Variants in ADAMTS14 observed in about 807,000 individuals in gnomAD.
ADAMTS14 encodes ADAM metallopeptidase with thrombospondin type 1 motif 14.
Under a neutral mutation model 128.6 loss-of-function variants are expected in ADAMTS14, and 100 were observed. The observed-to-expected ratio is 0.78, with a 90% CI of 0.66 to 0.92. The LOEUF (loss-of-function observed/expected upper bound fraction) is 0.92, where lower values mean the gene tolerates loss of function less well. Among genes scored for constraint, ADAMTS14 ranks in the 40% least tolerant of loss-of-function variants. The probability of loss-of-function intolerance (pLI) is 0.00; values close to 1 mark genes in which losing one functional copy is unlikely to be tolerated. For missense variants in ADAMTS14, 1,562 were observed against 1,658.6 expected, an observed-to-expected ratio of 0.94 and a Z score of 1.01; for synonymous variants, 665 against 653.8, an observed-to-expected ratio of 1.02 and a Z score of -0.26.
intron 15 of ADAMTS14, among the ~76,000 whole-genome samples, chr10:70,745,942 A>G (rs897002107): frequency 4.6e-5 from 7 of 152,074 alleles, no homozygotes; most frequent in African/African-American, 1.7e-4. Context: ...TTCACATTAT[A>G]TCTGTCACAT....
At chr10:70,700,571 G>A (rs1010305945) in intron 2 of ADAMTS14, among the ~76,000 whole-genome samples, 12 of 152,272 alleles carry the variant, frequency 7.9e-5, no homozygotes, top group Admixed American at 7.8e-4. Flanking sequence ...GGGGAGTGGT[G>A]GCAAGAGTGT....
In ADAMTS14 at chr10:70,702,338, C is replaced by T. The variant is rs369388518; in HGVS notation, c.549C>T (p.Thr183=). 2.8e-5 allele frequency: 45 copies of T among 1,614,048 alleles called. No individual in the cohort carries two copies. The highest frequency in any genetic ancestry group is 3.4e-5 in the Non-Finnish European group (40 of 1,180,052). The change falls in exon 3 of 22, where the codon ACC becomes ACT. Residue 183 remains threonine, a synonymous_variant. Coordinates refer to ENST00000373207, the MANE Select transcript of ADAMTS14 (RefSeq NM_080722.4). ...GLAGLIRTDS[T]DFFIEPLERG... is the part of the protein sequence containing the mutation. ...CGGGCCTCATCCGCACAGACAGCAC[C>T]GACTTCTTCATTGAGCCTCTGGAGC...
intron 8 of ADAMTS14, among the ~76,000 whole-genome samples, chr10:70,734,958 G>A (rs762363532): frequency 6.6e-6 from 1 of 152,224 alleles, no homozygotes; most frequent in Non-Finnish European, 1.5e-5. Context: ...TGCAAATGGA[G>A]CCCTTCCAGA....
At chr10:70,687,210 G>A (rs1299026287) in intron 2 of ADAMTS14, among the ~76,000 whole-genome samples, 5 of 101,886 alleles carry the variant, frequency 4.9e-5, no homozygotes, top group African/African-American at 6.7e-5. Context: ...CCTCCCTCCC[G>A]GACGGGGCGG....
intron 19 of ADAMTS14, among the ~76,000 whole-genome samples, chr10:70,755,394 G>A (rs1004613017): frequency 3.3e-5 from 5 of 152,158 alleles, no homozygotes; most frequent in Admixed American, 6.5e-5. Flanking sequence ...CACTTTGCTG[G>A]TGATTTCCAG....
chr10:70,676,992 T>C (rs1748371010), intron 2 of ADAMTS14, among the ~76,000 whole-genome samples: 1 of 152,128 alleles, frequency 6.6e-6, no homozygotes, highest in South Asian at 2.1e-4. Context: ...AGATGCTCAA[T>C]ATATGGTGAG....
chr10:70,732,673 C>T (rs1347925991), intron 7 of ADAMTS14, among the ~76,000 whole-genome samples: 2 of 152,200 alleles, frequency 1.3e-5, no homozygotes, highest in African/African-American at 2.4e-5. Context: ...CCCCATCACA[C>T]GCAGAGGCCT....
chr10:70,754,060 G>A, intron 19 of ADAMTS14, 53 bp downstream of exon 19: 2 of 1,449,394 alleles, frequency 1.4e-6, no homozygotes, highest in Non-Finnish European at 1.8e-6. Context: ...GGGTCTGAGG[G>A]ATTTTTTTGG....
At chr10:70,675,572 C>T (rs1015443384) in intron 2 of ADAMTS14, among the ~76,000 whole-genome samples, 2 of 152,162 alleles carry the variant, frequency 1.3e-5, no homozygotes, top group African/African-American at 4.8e-5. Flanking sequence ...TCTTCTCCTC[C>T]CTGTCTCTCC....
chr10:70,672,944 G>A (rs1839526982), intron 1 of ADAMTS14, 60 bp downstream of exon 1: 1 of 1,374,308 alleles, frequency 7.3e-7, no homozygotes, highest in Non-Finnish European at 9.3e-7. Flanking sequence ...GGTCAGGGTG[G>A]CCCAAGGTTG....
Position 70,729,015 on chromosome 10 carries a change from A to G in ADAMTS14, c.871-279A>G, listed in dbSNP as rs140732494. On this transcript the variant is annotated intron_variant, in intron 4 of 21. Coordinates refer to ENST00000373207, the MANE Select transcript of ADAMTS14 (RefSeq NM_080722.4). ...CTTGGTCAGAGTTGCTGAGTTTGAG[A>G]CCAGGCCCTCTACAATGTGGCTTTG... Among the ~76,000 whole-genome samples the G allele has an allele frequency of 3.2e-4, 49 of 152,222 alleles. No homozygotes were observed. The East Asian group carries it at 7.3e-3, about 23-fold the overall frequency.
chr10:70,760,988 G>A lies in ADAMTS14; in HGVS notation c.*135G>A. 1 of 1,282,182 alleles carries A rather than the reference G, an allele frequency of 7.8e-7. No homozygotes were observed. Among genetic ancestry groups the A allele is most frequent in the Non-Finnish European group, 1.0e-6 (1 of 968,552 alleles). The allele number at this position is 1,282,182 out of a possible 1,614,324, so 79.4% of individuals were successfully genotyped here. A position where few individuals can be genotyped will look rare whatever the true frequency, so the allele number is the denominator to read the frequency against. On this transcript the variant is annotated 3_prime_UTR_variant, in exon 22 of 22. Coordinates refer to ENST00000373207, the MANE Select transcript of ADAMTS14 (RefSeq NM_080722.4). ...AATCATTCGCCTTCTTCTCGTTTGG[G>A]GCTGTGATGCTCTTTACCCCACAAA...
At position 70,735,193 on chromosome 10, in the gene ADAMTS14, C is replaced by T. The variant is rs762614707; in HGVS notation, c.1377C>T (p.Asp459=). 60 of 1,613,124 alleles carry T rather than the reference C, an allele frequency of 3.7e-5. No homozygotes were observed. Among genetic ancestry groups the T allele is most frequent in the Non-Finnish European group, 4.4e-5 (52 of 1,179,564 alleles). ...GCTCCTACGACTGCCTCCTCGATGACCCCTTTGATCCTGCCTGGCCCCAGC... is the reference window on the plus strand; with the variant it reads ...GCTCCTACGACTGCCTCCTCGATGATCCCTTTGATCCTGCCTGGCCCCAGC... ...YLPSYDCLLD[D]PFDPAWPQPP... The change falls in exon 9 of 22, where the codon GAC becomes GAT. Residue 459 remains aspartate, a synonymous_variant. Coordinates refer to ENST00000373207, the MANE Select transcript of ADAMTS14 (RefSeq NM_080722.4).
intron 15 of ADAMTS14, among the ~76,000 whole-genome samples, chr10:70,747,890 G>GTGCATGCACA (rs1241445396): frequency 6.6e-6 from 1 of 151,836 alleles, no homozygotes; most frequent in East Asian, 1.9e-4. Flanking sequence ...GTGCATGCAC[G>GTGCATGCACA]TGCATGCACG....
chr10:70,755,977 T>C (rs1842471333), intron 19 of ADAMTS14, among the ~76,000 whole-genome samples: 1 of 152,236 alleles, frequency 6.6e-6, no homozygotes, highest in Non-Finnish European at 1.5e-5. Flanking sequence ...ATCTCAAATG[T>C]TTATCTATAG....
chr10:70,714,257 A>AG (rs1840949385), intron 4 of ADAMTS14, among the ~76,000 whole-genome samples: 3 of 152,216 alleles, frequency 2.0e-5, no homozygotes, highest in Non-Finnish European at 4.4e-5. Context: ...AACCACTGGG[A>AG]GCCAGACTCT....
rs1203596154 is a variant in ADAMTS14 at position 70,682,113 on chromosome 10, G to T, written c.522+7118G>T. 2.6e-5 allele frequency among the ~76,000 whole-genome samples: 4 copies of T among 152,230 alleles called. No homozygotes were observed. In the South Asian group the frequency reaches 8.3e-4, roughly 32 times the overall value. On this transcript the variant is annotated intron_variant, in intron 2 of 21. Coordinates refer to ENST00000373207, the MANE Select transcript of ADAMTS14 (RefSeq NM_080722.4). ...CTAGAAATCAGAGACTGTCTTAAAT[G>T]TGTGCATTTCCTGGAGCATTGAGCA...
chr10:70,675,119 A>G, intron 2 of ADAMTS14, 124 bp downstream of exon 2: 1 of 1,218,734 alleles, frequency 8.2e-7, no homozygotes. Flanking sequence ...TGCCTTCCAG[A>G]GGGAGTGCCG....
intron 3 of ADAMTS14, among the ~76,000 whole-genome samples, chr10:70,707,558 A>T (rs1320510676): frequency 6.6e-6 from 1 of 152,154 alleles, no homozygotes; most frequent in Non-Finnish European, 1.5e-5. Flanking sequence ...ATCTTCATTC[A>T]GGCTATAGCA....
Sources: gnomAD v4.1 joint callset for allele counts (sites outside exome capture counted in the v4.1 genomes callset) on GRCh38, gnomAD v4.1.1 for gene constraint, MANE v1.5 for transcripts, NCBI Gene and HGNC (gene_info 2026-07-23, HGNC 2026-07-21) for gene names.